MYO9A: variants seen among roughly 807,000 people sequenced by gnomAD.
MYO9A encodes the protein myosin IXA.
Under a neutral mutation model 293.3 loss-of-function variants are expected in MYO9A, and 103 were observed. That is an observed-to-expected ratio of 0.35 (90% CI 0.30 to 0.41). The LOEUF is 0.41. Ranked by LOEUF, MYO9A falls within the 10% of genes least tolerant of loss-of-function variation. MYO9A has a pLI of 1.00. For missense variants in MYO9A, 2,685 were observed against 3,033.0 expected (o/e 0.89, Z 2.69); for synonymous variants, 1,001 against 1,035.7 (o/e 0.97, Z 0.64).
chr15:71,824,032 G>C lies in MYO9A; in HGVS notation c.*2548C>G, dbSNP rs1263264912. ...GAGTTATGGCTTCATCTCTTGATCA[G>C]GCCAACAAGGCCTACTACCCTATGT... is the stretch of plus-strand genomic sequence containing the variant. On this transcript the variant is annotated 3_prime_UTR_variant, in exon 42 of 42. Transcript: ENST00000356056. 6.6e-6 allele frequency: 1 copy of C among 152,164 alleles called. No individual in the cohort carries two copies. Among genetic ancestry groups the C allele is most frequent in the African/African-American group, 2.4e-5 (1 of 41,432 alleles). 9.4% of individuals were successfully genotyped at this position (152,164 alleles called of 1,614,324 possible).
chr15:72,068,044 T>C (rs984564095), intron 1 of MYO9A, among the ~76,000 whole-genome samples: 3 of 152,176 alleles, frequency 2.0e-5, no homozygotes, highest in South Asian at 2.1e-4. Context: ...TATAAATGAT[T>C]TTCTTTTCTA....
intron 18 of MYO9A, among the ~76,000 whole-genome samples, chr15:71,929,424 G>A (rs1487166031): frequency 3.9e-5 from 6 of 152,044 alleles, no homozygotes; most frequent in Admixed American, 1.3e-4. Flanking sequence ...TGTCAGCTGT[G>A]GGCTTGTCAC....
intron 1 of MYO9A, among the ~76,000 whole-genome samples, chr15:72,101,858 A>C (rs2080349055): frequency 2.0e-5 from 3 of 146,612 alleles, no homozygotes; most frequent in African/African-American, 7.6e-5. Context: ...CCCGTCCGGG[A>C]GGGAGGTGGG....
chr15:71,912,350 G>C (rs934201776), intron 19 of MYO9A, among the ~76,000 whole-genome samples: 1 of 152,066 alleles, frequency 6.6e-6, no homozygotes, highest in South Asian at 2.1e-4. Context: ...CCACCTCCTG[G>C]GTTCAAGCGA....
chr15:72,008,436 GGTGTGTGTGTGTGTGT>G lies in MYO9A; in HGVS notation c.1254-500_1254-485del, dbSNP rs57267628. ...CATAGTATGGTGTTTGAGGTAAATG[GGTGTGTGTGTGTGTGT>G]GTGTGTGTGTGTGTGTGTGTGTGAA... is the stretch of plus-strand genomic sequence containing the variant. On this transcript the variant is annotated intron_variant, in intron 7 of 41. Coordinates refer to ENST00000356056, the MANE Select transcript of MYO9A (RefSeq NM_006901.4). Among the ~76,000 whole-genome samples, 10 of 138,834 alleles carry G rather than the reference GGTGTGTGTGTGTGTGT, an allele frequency of 7.2e-5. No individual in the cohort carries two copies. In the South Asian group the frequency reaches 9.8e-4, roughly 14 times the overall value. The allele number at this position is 138,834 out of a possible 152,430, so 91.1% of individuals were successfully genotyped here.
intron 1 of MYO9A, among the ~76,000 whole-genome samples, chr15:72,108,463 AGAT>A (rs1285361156): frequency 1.3e-5 from 2 of 152,208 alleles, no homozygotes; most frequent in African/African-American, 4.8e-5. Context: ...CCATTCTACA[AGAT>A]GATTGGTCTC....
At chr15:71,922,484 C>T (rs1251300095) in intron 18 of MYO9A, among the ~76,000 whole-genome samples, 1 of 152,130 alleles carries the variant, frequency 6.6e-6, no homozygotes, top group African/African-American at 2.4e-5. Flanking sequence ...TTTACTTGTA[C>T]AGCAACTTTG....
chr15:72,001,920 A>G (rs2076877347), intron 8 of MYO9A, among the ~76,000 whole-genome samples: 1 of 152,064 alleles, frequency 6.6e-6, no homozygotes, highest in South Asian at 2.1e-4. Flanking sequence ...CAAAGCTAAG[A>G]AAAAAAATGT....
At chr15:72,019,308 TGTTA>T (rs2077431710) in intron 5 of MYO9A, among the ~76,000 whole-genome samples, 1 of 152,234 alleles carries the variant, frequency 6.6e-6, no homozygotes, top group African/African-American at 2.4e-5. Flanking sequence ...CTCCAGTGAC[TGTTA>T]TTTATATAAA....
intron 35 of MYO9A, among the ~76,000 whole-genome samples, chr15:71,853,409 G>C (rs1160097175): frequency 6.6e-6 from 1 of 152,216 alleles, no homozygotes; most frequent in Admixed American, 6.5e-5. Flanking sequence ...GATGACTGGG[G>C]AAGATTCAGG....
At chr15:71,915,427 CTT>C (rs796340254) in intron 19 of MYO9A, among the ~76,000 whole-genome samples, 26 of 137,932 alleles carry the variant, frequency 1.9e-4, no homozygotes, top group Non-Finnish European at 1.6e-4. Context: ...TTTTTCATTT[CTT>C]TTTTTTTTTT....
intron 7 of MYO9A, among the ~76,000 whole-genome samples, chr15:72,008,728 T>C (rs1054551766): frequency 5.3e-5 from 8 of 152,184 alleles, no homozygotes; most frequent in Non-Finnish European, 1.2e-4. Flanking sequence ...CAGTATATTA[T>C]GTTATTGACT....
intron 22 of MYO9A, among the ~76,000 whole-genome samples, chr15:71,901,791 G>A (rs1049304609): frequency 1.3e-5 from 2 of 152,154 alleles, no homozygotes; most frequent in Non-Finnish European, 2.9e-5. Context: ...CCACTGCTAT[G>A]AGTAAATGTA....
At chr15:71,994,799 C>G (rs898632849) in intron 9 of MYO9A, among the ~76,000 whole-genome samples, 3 of 152,236 alleles carry the variant, frequency 2.0e-5, no homozygotes, top group Non-Finnish European at 4.4e-5. Context: ...ATGGTGCAAT[C>G]TCGGCTCATG....
Position 71,878,113 on chromosome 15 carries a change from C to T in MYO9A, c.5858G>A (p.Trp1953Ter). The change falls in exon 31 of 42, where the codon TGG becomes TAG. Residue 1953 changes from tryptophan (W) to a stop codon, truncating the protein, a stop_gained. Transcript: ENST00000356056. LOFTEE classifies it high-confidence loss of function. ...DSLGESPVRV[W>*]VNTFKVFLDE... ...TAAAAACACTTTAAAAGTGTTGACCCAAACTCTCACTGGAGATTCACCCAG... is the reference window on the plus strand; with the variant it reads ...TAAAAACACTTTAAAAGTGTTGACCTAAACTCTCACTGGAGATTCACCCAG... 1.2e-6 allele frequency: 2 copies of T among 1,611,716 alleles called. No homozygotes were observed. The highest frequency in any genetic ancestry group is 1.7e-6 in the Non-Finnish European group (2 of 1,179,348).
At chr15:71,987,667 A>G (rs958470571) in intron 11 of MYO9A, among the ~76,000 whole-genome samples, 1 of 152,152 alleles carries the variant, frequency 6.6e-6, no homozygotes, top group African/African-American at 2.4e-5. Context: ...CTATATGCCT[A>G]TGTACTCCTT....
chr15:71,928,058 T>TATATATATATATATATATATA (rs2058373166), intron 18 of MYO9A, among the ~76,000 whole-genome samples: 1 of 3,726 alleles, frequency 2.7e-4, no homozygotes, highest in Non-Finnish European at 8.4e-4. Context: ...ATATATATAT[T>TATATATATATATATATATATA]TTTTTTTTTT....
At chr15:71,960,796 C>T (rs543154449) in intron 13 of MYO9A, among the ~76,000 whole-genome samples, 1 of 152,278 alleles carries the variant, frequency 6.6e-6, no homozygotes, top group East Asian at 1.9e-4. Context: ...GTATCACATA[C>T]AGCAACAGGA....
chr15:72,010,513 G>T (rs1326679502), intron 6 of MYO9A, 66 bp from the exon 7 acceptor site: 1 of 1,381,826 alleles, frequency 7.2e-7, no homozygotes, highest in South Asian at 1.3e-5. Flanking sequence ...GGGCCATTCA[G>T]AAATATGGTA....
Sources: gnomAD v4.1 joint callset for allele counts (sites outside exome capture counted in the v4.1 genomes callset) on GRCh38, gnomAD v4.1.1 for gene constraint, MANE v1.5 for transcripts, NCBI Gene and HGNC (gene_info 2026-07-23, HGNC 2026-07-21) for gene names.